Variants in ANXA4 observed in about 807,000 individuals in gnomAD.
ANXA4 encodes the protein 35-beta calcimedin.
ANXA4 carries 39 observed loss-of-function variants against 49.8 expected under a neutral mutation model. The observed-to-expected ratio is 0.78, with a 90% CI of 0.61 to 1.02. The LOEUF is 1.02. Ranked by LOEUF, ANXA4 falls within the 50% of genes least tolerant of loss-of-function variation. The pLI is 0.00. For missense variants in ANXA4, 360 were observed against 410.1 expected (o/e 0.88, Z 1.05); for synonymous variants, 134 against 152.5 (o/e 0.88, Z 0.89).
chr2:69,695,927 AG>A (rs1355305332), intron 2 of ANXA4, among the ~76,000 whole-genome samples: 2 of 152,198 alleles, frequency 1.3e-5, no homozygotes, highest in African/African-American at 4.8e-5. Flanking sequence ...AAATGTTAAC[AG>A]TCATCTGAGC....
chr2:69,758,938 G>A (rs780059602), intron 1 of ANXA4, among the ~76,000 whole-genome samples: 13 of 152,002 alleles, frequency 8.6e-5, no homozygotes, highest in Admixed American at 2.0e-4. Flanking sequence ...TTCAAGACCC[G>A]TCTTGGCAAC....
At chr2:69,742,686 T>C (rs567397147) in intron 1 of ANXA4, among the ~76,000 whole-genome samples, 28 of 152,342 alleles carry the variant, frequency 1.8e-4, no homozygotes, top group African/African-American at 6.7e-4. Context: ...CTGATTATTA[T>C]AGGGTCCATG....
intron 3 of ANXA4, among the ~76,000 whole-genome samples, chr2:69,795,006 A>G (rs958218335): frequency 6.6e-6 from 1 of 152,210 alleles, no homozygotes; most frequent in Non-Finnish European, 1.5e-5. Context: ...GTCCCTTCTG[A>G]TAAGACCAGA....
intron 2 of ANXA4, among the ~76,000 whole-genome samples, chr2:69,718,755 A>G (rs1395797506): frequency 2.1e-5 from 3 of 143,156 alleles, no homozygotes; most frequent in Non-Finnish European, 3.0e-5. Flanking sequence ...ATACATGCAT[A>G]CACACACATA....
chr2:69,804,053 G>A (rs1405354009), intron 3 of ANXA4, among the ~76,000 whole-genome samples: 1 of 149,700 alleles, frequency 6.7e-6, no homozygotes, highest in Non-Finnish European at 1.5e-5. Context: ...CAGGAGAATC[G>A]CTTGAACCCA....
At chr2:69,781,850 C>T (rs1672213251) in intron 2 of ANXA4, among the ~76,000 whole-genome samples, 1 of 152,046 alleles carries the variant, frequency 6.6e-6, no homozygotes, top group Non-Finnish European at 1.5e-5. Flanking sequence ...TCTGCAGAAG[C>T]GCTACATGTT....
At chr2:69,757,088 G>T (rs550865445) in intron 1 of ANXA4, among the ~76,000 whole-genome samples, 2 of 148,198 alleles carry the variant, frequency 1.3e-5, no homozygotes, top group African/African-American at 4.9e-5. Flanking sequence ...CACCATGCCC[G>T]GCTAATTTTT....
intron 2 of ANXA4, among the ~76,000 whole-genome samples, chr2:69,683,958 A>G (rs1677693243): frequency 6.6e-6 from 1 of 152,252 alleles, no homozygotes; most frequent in South Asian, 2.1e-4. Context: ...AGAGAGTTCC[A>G]GGTAAGAGAA....
chr2:69,662,561 C>T (rs1188823927), intron 2 of ANXA4, among the ~76,000 whole-genome samples: 2 of 152,156 alleles, frequency 1.3e-5, no homozygotes, highest in African/African-American at 4.8e-5. Context: ...ATGATGTCTA[C>T]TGAGCTGCTT....
chr2:69,786,681 G>A (rs1049569910), intron 2 of ANXA4, among the ~76,000 whole-genome samples: 12 of 152,142 alleles, frequency 7.9e-5, no homozygotes, highest in African/African-American at 2.6e-4. Context: ...GAACCCCTTT[G>A]TGTACCTATC....
At chr2:69,783,051 G>A (rs1672265768) in intron 2 of ANXA4, among the ~76,000 whole-genome samples, 2 of 151,868 alleles carry the variant, frequency 1.3e-5, no homozygotes, top group Non-Finnish European at 2.9e-5. Flanking sequence ...AGCTTTCCTT[G>A]TACCCCACTT....
At chr2:69,811,356 G>A (rs1360386990) in intron 7 of ANXA4, 1 of 152,708 alleles carries the variant, frequency 6.5e-6, no homozygotes, top group African/African-American at 2.4e-5. Flanking sequence ...TGATGACAAC[G>A]ATGATGGGAG....
At chr2:69,676,610 T>C (rs1365309687) in intron 2 of ANXA4, among the ~76,000 whole-genome samples, 1 of 152,196 alleles carries the variant, frequency 6.6e-6, no homozygotes, top group African/African-American at 2.4e-5. Flanking sequence ...AAAAACCATC[T>C]CTGGCCGGGC....
intron 2 of ANXA4, among the ~76,000 whole-genome samples, chr2:69,658,973 G>A (rs1676611847): frequency 6.6e-6 from 1 of 152,250 alleles, no homozygotes; most frequent in African/African-American, 2.4e-5. Flanking sequence ...TGGGATTACA[G>A]GCGTGAGCCA....
At position 69,781,559 on chromosome 2, in the gene ANXA4, T is replaced by C; in HGVS notation, c.-7T>C. 6.2e-7 allele frequency: 1 copy of C among 1,614,060 alleles called. No homozygotes were observed. On this transcript the variant is annotated 5_prime_UTR_variant, in exon 2 of 13. Coordinates refer to ENST00000394295, the MANE Select transcript of ANXA4 (RefSeq NM_001153.5). ...GGGTGGCTGAACTCTGATCTTGACC[T>C]AGAGTCATGGCCATGGTAAGTTGTG... is the stretch of plus-strand genomic sequence containing the variant.
intron 2 of ANXA4, among the ~76,000 whole-genome samples, chr2:69,702,295 G>A (rs1678355107): frequency 6.6e-6 from 1 of 152,060 alleles, no homozygotes; most frequent in African/African-American, 2.4e-5. Context: ...TTACAGGTGT[G>A]AGCCACTGCA....
intron 3 of ANXA4, among the ~76,000 whole-genome samples, chr2:69,797,414 G>T (rs912281281): frequency 6.6e-6 from 1 of 152,188 alleles, no homozygotes; most frequent in African/African-American, 2.4e-5. Context: ...TCAGTCCTCT[G>T]CCTAATAATT....
At chr2:69,809,654 T>C (rs1488308541) in intron 6 of ANXA4, 2 of 152,072 alleles carry the variant, frequency 1.3e-5, no homozygotes, top group Non-Finnish European at 2.9e-5. Context: ...ATTTTTGTAT[T>C]TTTTGTAGAG....
At chr2:69,646,073 C>A (rs1263974388) in intron 1 of ANXA4, among the ~76,000 whole-genome samples, 1 of 152,074 alleles carries the variant, frequency 6.6e-6, no homozygotes, top group Non-Finnish European at 1.5e-5. Flanking sequence ...AGTTAGAAAC[C>A]CACGCACAAG....
Sources: gnomAD v4.1 joint callset for allele counts (sites outside exome capture counted in the v4.1 genomes callset) on GRCh38, gnomAD v4.1.1 for gene constraint, MANE v1.5 for transcripts, NCBI Gene and HGNC (gene_info 2026-07-23, HGNC 2026-07-21) for gene names.